The following RABGAP1L variants were observed in gnomAD, a reference collection of about 807,000 sequenced individuals.
RABGAP1L encodes RAB GTPase activating protein 1 like, also known as rab GTPase-activating protein 1-like.
In RABGAP1L, 63 loss-of-function variants were observed where a neutral mutation model predicts 137.7. That is an observed-to-expected ratio of 0.46 (90% CI 0.37 to 0.56). The LOEUF (loss-of-function observed/expected upper bound fraction) is 0.56. RABGAP1L is among the 20% of genes least tolerant of loss of function. The pLI is 0.00. For synonymous variants in RABGAP1L, 431 were observed against 433.7 expected (o/e 0.99, Z 0.08); for missense variants, 1,095 against 1,244.0 (o/e 0.88, Z 1.80).
chr1:174,616,019 C>A (rs1288718798), intron 13 of RABGAP1L, among the ~76,000 whole-genome samples: 2 of 152,098 alleles, frequency 1.3e-5, no homozygotes, highest in African/African-American at 4.8e-5. Flanking sequence ...CTCCCTGACC[C>A]CTTGCACTTC....
intron 12 of RABGAP1L, among the ~76,000 whole-genome samples, chr1:174,383,198 TCAGA>T (rs1182923614): frequency 6.6e-6 from 1 of 151,110 alleles, no homozygotes; most frequent in East Asian, 1.9e-4. Context: ...TTCAAAGCTG[TCAGA>T]CAGGGACATT....
intron 7 of RABGAP1L, among the ~76,000 whole-genome samples, chr1:174,265,769 A>AT (rs146544938): frequency 0.23 from 33,931 of 150,742 alleles, 4,021 homozygotes; most frequent in Admixed American, 0.25. Context: ...CTGTACTGGT[A>AT]TTTTTTTTTG....
chr1:174,866,110 G>GGAGAGAGAGAGA (rs34712612), intron 19 of RABGAP1L, among the ~76,000 whole-genome samples: 6 of 65,818 alleles, frequency 9.1e-5, no homozygotes, highest in South Asian at 8.7e-4. Context: ...GGAGGGAGGG[G>GGAGAGAGAGAGA]GAGAGAGAGA....
At chr1:174,677,115 A>G (rs1677689791) in intron 14 of RABGAP1L, among the ~76,000 whole-genome samples, 1 of 149,370 alleles carries the variant, frequency 6.7e-6, no homozygotes, top group Admixed American at 6.8e-5. Context: ...TGAATTCAGG[A>G]ATTTGAGACC....
At chr1:174,476,337 CTAAGA>C (rs1658502640) in intron 13 of RABGAP1L, among the ~76,000 whole-genome samples, 1 of 151,920 alleles carries the variant, frequency 6.6e-6, no homozygotes, top group African/African-American at 2.4e-5. Context: ...AGCTGAATAT[CTAAGA>C]TATTTCATTC....
chr1:174,228,165 A>T (rs528729197), intron 3 of RABGAP1L, among the ~76,000 whole-genome samples: 5 of 152,120 alleles, frequency 3.3e-5, no homozygotes, highest in Admixed American at 2.6e-4. Context: ...TAATAGTCGT[A>T]TAGGCCTTCT....
chr1:174,682,327 C>A (rs988361877), intron 14 of RABGAP1L, among the ~76,000 whole-genome samples: 1 of 151,786 alleles, frequency 6.6e-6, no homozygotes, highest in African/African-American at 2.4e-5. Context: ...TACACACACA[C>A]ACACACACAC....
chr1:174,642,977 G>A (rs895537353), intron 14 of RABGAP1L, among the ~76,000 whole-genome samples: 7 of 151,970 alleles, frequency 4.6e-5, no homozygotes, highest in African/African-American at 7.3e-5. Flanking sequence ...TAGAGACAGG[G>A]TTTCACTATG....
intron 19 of RABGAP1L, among the ~76,000 whole-genome samples, chr1:174,921,918 T>G (rs1166997306): frequency 6.6e-6 from 1 of 152,196 alleles, no homozygotes; most frequent in African/African-American, 2.4e-5. Context: ...GAATTGTAAT[T>G]TTCAGATTTA....
chr1:174,264,981 C>G (rs1015804413), intron 7 of RABGAP1L, among the ~76,000 whole-genome samples: 3 of 151,666 alleles, frequency 2.0e-5, no homozygotes, highest in Non-Finnish European at 4.4e-5. Context: ...CATTTTTTGC[C>G]CATGTTTTGT....
At chr1:174,331,146 T>G (rs1472311256) in intron 11 of RABGAP1L, among the ~76,000 whole-genome samples, 3 of 152,166 alleles carry the variant, frequency 2.0e-5, no homozygotes, top group Non-Finnish European at 4.4e-5. Flanking sequence ...TGTAAAAGAA[T>G]GAAACTAGGC....
At chr1:174,877,566 C>T in intron 19 of RABGAP1L, 1 of 1,613,828 alleles carries the variant, frequency 6.2e-7, no homozygotes, top group Non-Finnish European at 8.5e-7. Context: ...ATGAAGACTT[C>T]CTCACTAGTC....
intron 12 of RABGAP1L, among the ~76,000 whole-genome samples, chr1:174,381,270 T>A (rs898037797): frequency 3.3e-4 from 48 of 146,780 alleles, no homozygotes; most frequent in African/African-American, 1.0e-3. Context: ...ATTCTGTTGA[T>A]TTGGGGTGGA....
chr1:174,584,656 AAGAAAC>A (rs1668985468), intron 13 of RABGAP1L, among the ~76,000 whole-genome samples: 2 of 152,326 alleles, frequency 1.3e-5, no homozygotes, highest in South Asian at 4.1e-4. Flanking sequence ...GCCACTTTGT[AAGAAAC>A]CTTGGTATCT....
chr1:174,423,092 A>G (rs910015737), intron 13 of RABGAP1L, among the ~76,000 whole-genome samples: 1 of 152,130 alleles, frequency 6.6e-6, no homozygotes, highest in East Asian at 1.9e-4. Flanking sequence ...TATAAGCAGT[A>G]TTCATTATCA....
intron 10 of RABGAP1L, among the ~76,000 whole-genome samples, chr1:174,288,964 C>G (rs551833106): frequency 1.3e-5 from 2 of 151,892 alleles, no homozygotes; most frequent in African/African-American, 2.4e-5. Context: ...ATTTTTTATT[C>G]TTCTGCTTGG....
chr1:174,899,500 G>C (rs929578005), intron 19 of RABGAP1L, among the ~76,000 whole-genome samples: 1 of 152,104 alleles, frequency 6.6e-6, no homozygotes, highest in African/African-American at 2.4e-5. Context: ...GATCTTCCTA[G>C]TTCTAAATTT....
intron 13 of RABGAP1L, among the ~76,000 whole-genome samples, chr1:174,570,280 A>G (rs1667878988): frequency 6.6e-6 from 1 of 152,222 alleles, no homozygotes; most frequent in African/African-American, 2.4e-5. Flanking sequence ...ACGGTGATGC[A>G]GGGTGGTTTT....
chr1:174,474,872 A>T (rs1483485893), intron 13 of RABGAP1L, among the ~76,000 whole-genome samples: 1 of 152,092 alleles, frequency 6.6e-6, no homozygotes, highest in Non-Finnish European at 1.5e-5. Context: ...AAGTGGTGGG[A>T]TTACAGGCGT....
Sources: allele counts gnomAD v4.1 joint callset (sites outside exome capture counted in the v4.1 genomes callset), GRCh38; gene constraint gnomAD v4.1.1; transcripts MANE v1.5; gene names NCBI Gene and HGNC (gene_info 2026-07-23, HGNC 2026-07-21).